Variants in CCBE1 observed in about 807,000 individuals in gnomAD.
CCBE1 encodes collagen and calcium-binding EGF domain-containing protein 1.
A neutral mutation model predicts 50.0 loss-of-function variants in CCBE1; 37 were observed. The observed-to-expected ratio is 0.74, with a 90% CI of 0.57 to 0.97. The LOEUF (loss-of-function observed/expected upper bound fraction) is 0.97, where lower values mean the gene tolerates loss of function less well. Ranked by LOEUF, CCBE1 falls within the 50% of genes least tolerant of loss-of-function variation. The pLI is 0.00. For synonymous variants in CCBE1, 234 were observed against 203.7 expected (o/e 1.15, Z -1.27); for missense variants, 538 against 523.8 (o/e 1.03, Z -0.26).
rs188548512 is a variant in CCBE1, at chr18:59,626,404, T to A, written c.212+70225A>T. On this transcript the variant is annotated intron_variant, in intron 2 of 10. Coordinates refer to ENST00000439986, the MANE Select transcript of CCBE1 (RefSeq NM_133459.4). The stretch of plus-strand genomic sequence containing the variant: ...GGAAAAGGCAGCTGACATGGGGGTA[T>A]TTTCAGGGGCAGGAGGGTGAGGAGA... Among the ~76,000 whole-genome samples the A allele has an allele frequency of 6.6e-5, 10 of 152,266 alleles. No homozygotes were observed. The East Asian group carries it at 1.9e-3, about 29-fold the overall frequency.
At chr18:59,683,493 T>G (rs1209186289) in intron 2 of CCBE1, among the ~76,000 whole-genome samples, 2 of 151,632 alleles carry the variant, frequency 1.3e-5, no homozygotes, top group African/African-American at 4.8e-5. Context: ...GTCAGGAGTT[T>G]GAGACCAGCC....
intron 2 of CCBE1, among the ~76,000 whole-genome samples, chr18:59,589,344 A>G (rs1250497997): frequency 6.6e-6 from 1 of 152,220 alleles, no homozygotes; most frequent in Non-Finnish European, 1.5e-5. Flanking sequence ...CAACAGGCCC[A>G]TATGGTTTTA....
At position 59,466,802 on chromosome 18, in the gene CCBE1, C is replaced by A; in HGVS notation, c.490G>T (p.Gly164Cys). 6.2e-7 allele frequency: 1 copy of A among 1,613,820 alleles called. No individual in the cohort carries two copies. Among genetic ancestry groups the A allele is most frequent in the East Asian group, 2.2e-5 (1 of 44,876 alleles). ...LGSYRCECREGYIREDDGKTC... is the reference protein window; with the variant it reads ...LGSYRCECRECYIREDDGKTC... ...TTCCCATCATCTTCCCGGATGTAGC[C>A]TTCCCGGCACTCGCAGCGGTAGCTG... Residue 164 changes from glycine to cysteine, a missense_variant, in exon 5 of 11, where the codon GGC becomes TGC. Gly to Cys is a radical substitution (Grantham distance 159). Coordinates refer to ENST00000439986, the MANE Select transcript of CCBE1 (RefSeq NM_133459.4).
chr18:59,649,822 G>C (rs1411872280), intron 2 of CCBE1, among the ~76,000 whole-genome samples: 1 of 152,232 alleles, frequency 6.6e-6, no homozygotes, highest in Non-Finnish European at 1.5e-5. Flanking sequence ...TTACGGGCTG[G>C]GGCCATCCCA....
chr18:59,655,679 G>A (rs769657576), intron 2 of CCBE1, among the ~76,000 whole-genome samples: 29 of 152,188 alleles, frequency 1.9e-4, no homozygotes, highest in Admixed American at 1.9e-3. Context: ...CTCAGCTAAT[G>A]AGCTGGTTTT....
At chr18:59,462,991 G>C (rs1298527389) in intron 5 of CCBE1, among the ~76,000 whole-genome samples, 1 of 152,190 alleles carries the variant, frequency 6.6e-6, no homozygotes, top group East Asian at 1.9e-4. Context: ...TGAATTCTTA[G>C]CCACAGAGGT....
chr18:59,628,973 A>T (rs2053820390), intron 2 of CCBE1, among the ~76,000 whole-genome samples: 1 of 152,006 alleles, frequency 6.6e-6, no homozygotes, highest in African/African-American at 2.4e-5. Flanking sequence ...CCCTCTCATC[A>T]TTATCACTGC....
intron 2 of CCBE1, among the ~76,000 whole-genome samples, chr18:59,598,401 C>T (rs961361540): frequency 1.3e-5 from 2 of 152,184 alleles, no homozygotes; most frequent in East Asian, 1.9e-4. Context: ...ACATGTGCTG[C>T]TCCTTTACTT....
intron 2 of CCBE1, among the ~76,000 whole-genome samples, chr18:59,565,951 C>T (rs1218363858): frequency 6.6e-6 from 1 of 152,160 alleles, no homozygotes; most frequent in Non-Finnish European, 1.5e-5. Context: ...CCCCCAAATG[C>T]ATTGCCAAAG....
chr18:59,462,882 G>A (rs1270975509), intron 5 of CCBE1, among the ~76,000 whole-genome samples: 2 of 152,144 alleles, frequency 1.3e-5, no homozygotes, highest in African/African-American at 4.8e-5. Flanking sequence ...GTAAACGGTG[G>A]AGATAAAATA....
intron 2 of CCBE1, among the ~76,000 whole-genome samples, chr18:59,545,348 C>G (rs890106458): frequency 6.8e-6 from 1 of 146,768 alleles, no homozygotes; most frequent in Non-Finnish European, 1.5e-5. Flanking sequence ...GCACTCTCAA[C>G]ACAATTTCAC....
chr18:59,557,803 G>A (rs2144436795), intron 2 of CCBE1, among the ~76,000 whole-genome samples: 1 of 152,158 alleles, frequency 6.6e-6, no homozygotes, highest in African/African-American at 2.4e-5. Context: ...CTATGCTTTC[G>A]CTGCTTCGTT....
chr18:59,577,347 T>G (rs997439825), intron 2 of CCBE1, among the ~76,000 whole-genome samples: 1 of 152,144 alleles, frequency 6.6e-6, no homozygotes, highest in Admixed American at 6.5e-5. Flanking sequence ...AAAAACCAAG[T>G]CTGGCAGTGC....
chr18:59,517,445 G>A (rs1017571355), intron 2 of CCBE1, among the ~76,000 whole-genome samples: 7 of 152,080 alleles, frequency 4.6e-5, no homozygotes, highest in Non-Finnish European at 8.8e-5. Context: ...GGCAATTTTG[G>A]CTCTGTTTCA....
chr18:59,663,325 C>T (rs2054310633), intron 2 of CCBE1, among the ~76,000 whole-genome samples: 1 of 152,164 alleles, frequency 6.6e-6, no homozygotes, highest in Non-Finnish European at 1.5e-5. Context: ...TGTGAACTTC[C>T]TGGAATAGCT....
chr18:59,523,713 G>C (rs986682111), intron 2 of CCBE1, among the ~76,000 whole-genome samples: 1 of 151,960 alleles, frequency 6.6e-6, no homozygotes, highest in Non-Finnish European at 1.5e-5. Context: ...AATGTTAAAC[G>C]CTTGGAGATT....
At chr18:59,452,598 A>G (rs919994320) in intron 6 of CCBE1, among the ~76,000 whole-genome samples, 2 of 152,190 alleles carry the variant, frequency 1.3e-5, no homozygotes, top group African/African-American at 4.8e-5. Context: ...ATCTCAAAAC[A>G]AAACAAAAAC....
At chr18:59,668,953 TAG>T (rs2054395444) in intron 2 of CCBE1, among the ~76,000 whole-genome samples, 1 of 149,782 alleles carries the variant, frequency 6.7e-6, no homozygotes, top group Non-Finnish European at 1.5e-5. Context: ...GCCTCCAGAG[TAG>T]CTGGGATTAC....
chr18:59,550,757 G>T (rs561457077), intron 2 of CCBE1, among the ~76,000 whole-genome samples: 1 of 151,990 alleles, frequency 6.6e-6, no homozygotes, highest in Admixed American at 6.6e-5. Flanking sequence ...GGCTGGGTGC[G>T]GTGGCTCACG....
Sources: allele counts gnomAD v4.1 joint callset (sites outside exome capture counted in the v4.1 genomes callset), GRCh38; gene constraint gnomAD v4.1.1; transcripts MANE v1.5; gene names NCBI Gene and HGNC (gene_info 2026-07-23, HGNC 2026-07-21).